AFAP1L2: variants seen among roughly 807,000 people sequenced by gnomAD.
AFAP1L2 encodes actin filament associated protein 1 like 2.
Under a neutral mutation model 99.3 loss-of-function variants are expected in AFAP1L2, and 46 were observed. The ratio of observed to expected loss-of-function variants is 0.46; its 90% CI spans 0.37 to 0.59. The LOEUF (loss-of-function observed/expected upper bound fraction) is 0.59. AFAP1L2 is among the 20% of genes least tolerant of loss of function. The pLI is 0.00. For missense variants in AFAP1L2, 959 were observed against 1,034.9 expected (o/e 0.93, Z 1.01); for synonymous variants, 397 against 419.1 (o/e 0.95, Z 0.64).
At chr10:114,329,265 G>T (rs2046886841) in intron 4 of AFAP1L2, among the ~76,000 whole-genome samples, 1 of 152,184 alleles carries the variant, frequency 6.6e-6, no homozygotes, top group Non-Finnish European at 1.5e-5. Context: ...ACAGGGCACT[G>T]GCTGAGGAAC....
chr10:114,326,006 T>G (rs1351235673), intron 4 of AFAP1L2: 3 of 1,264,118 alleles, frequency 2.4e-6, no homozygotes, highest in Non-Finnish European at 3.1e-6. Flanking sequence ...AGAAAAGCTC[T>G]GGGCACCCGA....
intron 1 of AFAP1L2, among the ~76,000 whole-genome samples, chr10:114,389,684 C>A (rs888098159): frequency 1.1e-4 from 16 of 152,206 alleles, no homozygotes; most frequent in African/African-American, 3.9e-4. Flanking sequence ...CATGCATCTC[C>A]CCCGTTCTGT....
At chr10:114,345,078 C>A (rs1441285549) in intron 1 of AFAP1L2, among the ~76,000 whole-genome samples, 1 of 143,806 alleles carries the variant, frequency 7.0e-6, no homozygotes, top group African/African-American at 2.6e-5. Flanking sequence ...GCCTGGGCAA[C>A]ACAGCAAGAC....
intron 5 of AFAP1L2, among the ~76,000 whole-genome samples, chr10:114,320,805 C>G (rs1243104315): frequency 6.6e-6 from 1 of 152,242 alleles, no homozygotes; most frequent in East Asian, 1.9e-4. Flanking sequence ...CTGGCCCGGC[C>G]ACACCTGGGA....
intron 1 of AFAP1L2, among the ~76,000 whole-genome samples, chr10:114,386,704 C>T (rs1269193999): frequency 6.6e-6 from 1 of 152,192 alleles, no homozygotes; most frequent in African/African-American, 2.4e-5. Context: ...CCAGCAGGCC[C>T]TCCTGGCCAG....
At chr10:114,386,219 A>G (rs1046224708) in intron 1 of AFAP1L2, among the ~76,000 whole-genome samples, 7 of 152,220 alleles carry the variant, frequency 4.6e-5, no homozygotes, top group African/African-American at 1.7e-4. Flanking sequence ...AATGAGGGAA[A>G]TGATGGAATA....
chr10:114,301,796 C>CATT, intron 12 of AFAP1L2: 1 of 363,246 alleles, frequency 2.8e-6, no homozygotes, highest in African/African-American at 2.0e-5. Context: ...AACCCCTTCT[C>CATT]ATTTCATCTT....
intron 1 of AFAP1L2, among the ~76,000 whole-genome samples, chr10:114,353,025 C>T (rs1229204921): frequency 6.6e-6 from 1 of 152,228 alleles, no homozygotes; most frequent in African/African-American, 2.4e-5. Context: ...AAACGCCACA[C>T]CCAACTCCAT....
Position 114,384,330 on chromosome 10 carries a change from C to G in AFAP1L2, c.16+20110G>C, listed in dbSNP as rs547859654. Among the ~76,000 whole-genome samples the G allele has an allele frequency of 1.1e-4, 17 of 151,730 alleles. No homozygotes were observed. In the East Asian group the frequency reaches 1.6e-3, roughly 14 times the overall value. On this transcript the variant is annotated intron_variant, in intron 1 of 18. Coordinates refer to ENST00000304129, the MANE Select transcript of AFAP1L2 (RefSeq NM_001001936.3). ...AATGGCATCTTGTCTGTCGTCCCCCCCCCGCTGCAAGTGATGAACCAACTT... is the reference window on the plus strand; with the variant it reads ...AATGGCATCTTGTCTGTCGTCCCCCGCCCGCTGCAAGTGATGAACCAACTT...
intron 1 of AFAP1L2, among the ~76,000 whole-genome samples, chr10:114,355,229 AC>A (rs1400362807): frequency 6.7e-6 from 1 of 150,218 alleles, no homozygotes; most frequent in African/African-American, 2.4e-5. Context: ...TGCCTCCCCC[AC>A]AGAAGCCTTT....
At chr10:114,291,490 G>A (rs2039595475), downstream of AFAP1L2, 4 of 495,962 alleles carry the variant, frequency 8.1e-6, no homozygotes, top group Non-Finnish European at 1.4e-5. Flanking sequence ...GTTTTGATGT[G>A]TAAGTAAATA....
chr10:114,371,604 T>C (rs2054111298), intron 1 of AFAP1L2, among the ~76,000 whole-genome samples: 1 of 151,332 alleles, frequency 6.6e-6, no homozygotes, highest in Admixed American at 6.6e-5. Context: ...AAGTGGGAGT[T>C]GAACAATGAG....
At chr10:114,290,175 G>C, downstream of AFAP1L2, 2 of 1,537,930 alleles carry the variant, frequency 1.3e-6, no homozygotes, top group South Asian at 2.4e-5. Flanking sequence ...GCTTACTTAG[G>C]GTAGGGGTCT....
upstream of AFAP1L2, chr10:114,404,572 C>T: frequency 5.9e-6 from 8 of 1,347,638 alleles, no homozygotes; most frequent in Non-Finnish European, 7.6e-6. Flanking sequence ...CGCGGCCGGA[C>T]CTCCTGGCGG....
intron 1 of AFAP1L2, among the ~76,000 whole-genome samples, chr10:114,400,143 A>C (rs1227851934): frequency 1.3e-5 from 2 of 152,220 alleles, no homozygotes; most frequent in Admixed American, 1.3e-4. Flanking sequence ...TCTCTGAATG[A>C]CAGAAGCCTT....
rs554742544 is a variant in AFAP1L2 at position 114,298,199 on chromosome 10, G to A, written c.2114-786C>T. On this transcript the variant is annotated intron_variant, in intron 16 of 18. Transcript: ENST00000304129. ...TCGAGACCATCCTGGCCAACATGGT[G>A]AAATCCCATCTCTACTAAAAATACA... is the stretch of plus-strand genomic sequence containing the variant. Among the ~76,000 whole-genome samples, 3 of 152,300 alleles carry A rather than the reference G, an allele frequency of 2.0e-5. No homozygotes were observed. The South Asian group carries it at 6.2e-4, about 32-fold the overall frequency.
Position 114,300,477 on chromosome 10 carries a change from A to C in AFAP1L2, c.1756T>G (p.Cys586Gly), listed in dbSNP as rs2040951554. ...SGPGPTPDEP[C>G]IKCPENLGEQ... Reference sequence around the variant, plus strand: ...CCCAGGTTCTCTGGACACTTTATGCAGGGCTCATCTGGGGTGGGACCTGGG... The same window carrying C: ...CCCAGGTTCTCTGGACACTTTATGCCGGGCTCATCTGGGGTGGGACCTGGG... Residue 586 changes from cysteine to glycine, a missense_variant, in exon 14 of 19, where the codon TGC becomes GGC. Physicochemically the swap from Cys to Gly is radical, Grantham distance 159. Coordinates refer to ENST00000304129, the MANE Select transcript of AFAP1L2 (RefSeq NM_001001936.3). The C allele has an allele frequency of 1.9e-6, 3 of 1,613,402 alleles. No homozygotes were observed. In the South Asian group the frequency reaches 3.3e-5, roughly 18 times the overall value.
chr10:114,395,073 AC>A (rs1262125599), intron 1 of AFAP1L2, among the ~76,000 whole-genome samples: 2 of 152,152 alleles, frequency 1.3e-5, no homozygotes, highest in African/African-American at 4.8e-5. Flanking sequence ...TCAGTCAAGG[AC>A]CAGCTGCCCT....
chr10:114,300,556 G>A lies in AFAP1L2; in HGVS notation c.1677C>T (p.Ser559=), dbSNP rs1186052589. Residue 559 remains serine (S), a synonymous_variant, in exon 14 of 19, where the codon TCC becomes TCT. Transcript: ENST00000304129. ...GPSSAQAQAS[S]PTLSCLDNAT... is the part of the protein sequence containing the mutation. ...CATTGTCCAGGCAGGACAACGTCGG[G>A]GAGGAGGCCTGGGCCTGTGCACTGC... is the stretch of plus-strand genomic sequence containing the variant. The A allele has an allele frequency of 1.2e-6, 2 of 1,614,038 alleles. No individual in the cohort carries two copies. Among genetic ancestry groups the A allele is most frequent in the African/African-American group, 2.7e-5 (2 of 74,912 alleles).
Sources: allele counts gnomAD v4.1 joint callset (sites outside exome capture counted in the v4.1 genomes callset), GRCh38; gene constraint gnomAD v4.1.1; transcripts MANE v1.5; gene names NCBI Gene and HGNC (gene_info 2026-07-23, HGNC 2026-07-21).